The following PTPRO variants were observed in gnomAD, a reference collection of about 807,000 sequenced individuals.
PTPRO encodes protein tyrosine phosphatase receptor type O.
Under a neutral mutation model 145.2 loss-of-function variants are expected in PTPRO, and 62 were observed. The ratio of observed to expected loss-of-function variants is 0.43; its 90% confidence interval spans 0.35 to 0.53. The LOEUF (loss-of-function observed/expected upper bound fraction) is 0.53, where lower values mean the gene tolerates loss of function less well. Among genes scored for constraint, PTPRO ranks in the 20% least tolerant of loss-of-function variants. The pLI, the probability that PTPRO is intolerant of heterozygous loss-of-function variation, is 0.01. For synonymous variants in PTPRO, 565 were observed against 514.7 expected (o/e 1.10, Z -1.32); for missense variants, 1,345 against 1,482.7 (o/e 0.91, Z 1.53).
chr12:15,380,903 G>A (rs530124176), intron 1 of PTPRO, among the ~76,000 whole-genome samples: 12 of 152,126 alleles, frequency 7.9e-5, no homozygotes, highest in Non-Finnish European at 1.5e-4. Flanking sequence ...GGATTTTACC[G>A]CTGTGAATGG....
chr12:15,419,852 G>T (rs778967759), intron 1 of PTPRO, among the ~76,000 whole-genome samples: 12 of 151,508 alleles, frequency 7.9e-5, no homozygotes, highest in Non-Finnish European at 1.6e-4. Context: ...TTGCATATAA[G>T]AGTGTCCCCT....
chr12:15,572,995 G>A (rs75856330), intron 19 of PTPRO, among the ~76,000 whole-genome samples: 2,766 of 152,218 alleles, frequency 0.018, 99 homozygotes, highest in African/African-American at 0.064. Context: ...GAGAAATATG[G>A]GTTAAATATG....
intron 19 of PTPRO, among the ~76,000 whole-genome samples, chr12:15,571,474 G>C (rs1944048121): frequency 6.6e-6 from 1 of 152,104 alleles, no homozygotes; most frequent in Non-Finnish European, 1.5e-5. Context: ...TTTTAGTAGA[G>C]ACAGGGTTTC....
chr12:15,549,900 G>A lies in PTPRO; in HGVS notation c.2437+674G>A, dbSNP rs76173119. 4.7e-3 allele frequency among the ~76,000 whole-genome samples: 711 copies of A among 152,072 alleles called. 4 individuals carry two copies. Among genetic ancestry groups the A allele is most frequent in the Middle Eastern group, 0.01 (3 of 294 alleles). On this transcript the variant is annotated intron_variant, in intron 14 of 26. Coordinates refer to ENST00000281171, the MANE Select transcript of PTPRO (RefSeq NM_030667.3). The stretch of plus-strand genomic sequence containing the variant: ...TGCTAAATTCAGGGATGACTGGAGC[G>A]GACTGTTTTCTTTTTTCTTTTTCTT...
intron 12 of PTPRO, among the ~76,000 whole-genome samples, chr12:15,543,503 A>G (rs1236409801): frequency 6.6e-6 from 1 of 152,216 alleles, no homozygotes; most frequent in Non-Finnish European, 1.5e-5. Flanking sequence ...ACATTAAGAT[A>G]CAACCTCAGC....
rs1208189378 is a variant in PTPRO at position 15,497,541 on chromosome 12, T to C, written c.508+138T>C. On this transcript the variant is annotated intron_variant, in intron 3 of 26. Transcript: ENST00000281171. ...ATAAATGAGCCATTAAAAATAATTA[T>C]TGATTTATGAAAATCGTGTTATGAG... is the stretch of plus-strand genomic sequence containing the variant. 9 of 972,294 alleles carry C rather than the reference T, an allele frequency of 9.3e-6. No homozygotes were observed. In the East Asian group the frequency reaches 1.3e-4, roughly 14 times the overall value. The allele number at this position is 972,294 out of a possible 1,614,324, so 60.2% of individuals were successfully genotyped here. A position where few individuals can be genotyped will look rare whatever the true frequency, so the allele number is the denominator to read the frequency against.
rs1266213252 is a variant in PTPRO, at chr12:15,322,868, T to C, written c.75+67T>C. On this transcript the variant is annotated intron_variant, in intron 1 of 26. Transcript: ENST00000281171. The surrounding 1 kb of genome is among the most constrained non-coding windows in gnomAD (Gnocchi z 6.3). ...GGCAGCCGCGCTCCGGCGCCCTCGC[T>C]CTGCCGTTGGGAGCGGCGCGCCCCA... The C allele has an allele frequency of 6.5e-7, 1 of 1,532,658 alleles. No homozygotes were observed. Among genetic ancestry groups the C allele is most frequent in the African/African-American group, 1.4e-5 (1 of 72,120 alleles). 94.9% of individuals were successfully genotyped at this position (1,532,658 alleles called of 1,614,324 possible).
At chr12:15,542,370 G>C (rs1346751408) in intron 12 of PTPRO, among the ~76,000 whole-genome samples, 1 of 152,192 alleles carries the variant, frequency 6.6e-6, no homozygotes, top group Non-Finnish European at 1.5e-5. Context: ...TTTTAAGAAA[G>C]TTTATGAATT....
intron 1 of PTPRO, among the ~76,000 whole-genome samples, chr12:15,326,294 T>C (rs764930034): frequency 6.6e-5 from 10 of 151,954 alleles, no homozygotes; most frequent in Admixed American, 2.6e-4. Flanking sequence ...TCTGACTCCT[T>C]TAATAAATCA....
Position 15,415,472 on chromosome 12 carries a change from C to T in PTPRO, c.76-68502C>T, listed in dbSNP as rs1030891496. On this transcript the variant is annotated intron_variant, in intron 1 of 26. Coordinates refer to ENST00000281171, the MANE Select transcript of PTPRO (RefSeq NM_030667.3). ...CAGTCTTGGCTCACTGCAAGCTCCG[C>T]CTCCCAGGTTCACGCCATTCTCCTG... Among the ~76,000 whole-genome samples the T allele has an allele frequency of 4.6e-5, 7 of 151,878 alleles. No homozygotes were observed. The East Asian group carries it at 5.8e-4, about 13-fold the overall frequency.
At chr12:15,336,187 C>G (rs1328787553) in intron 1 of PTPRO, among the ~76,000 whole-genome samples, 1 of 151,578 alleles carries the variant, frequency 6.6e-6, no homozygotes, top group Non-Finnish European at 1.5e-5. Flanking sequence ...GGAGACATAT[C>G]TTTCCAAATC....
chr12:15,429,409 T>C (rs1198987758), intron 1 of PTPRO, among the ~76,000 whole-genome samples: 1 of 152,128 alleles, frequency 6.6e-6, no homozygotes, highest in African/African-American at 2.4e-5. Context: ...AGGATGATGA[T>C]GATCTAAGAA....
intron 1 of PTPRO, among the ~76,000 whole-genome samples, chr12:15,461,499 T>C (rs889298693): frequency 1.3e-5 from 2 of 152,058 alleles, no homozygotes; most frequent in Non-Finnish European, 2.9e-5. Context: ...GTGACTCTTT[T>C]TGTCAACATC....
chr12:15,326,281 T>G (rs959811809), intron 1 of PTPRO, among the ~76,000 whole-genome samples: 6 of 152,144 alleles, frequency 3.9e-5, no homozygotes, highest in Non-Finnish European at 8.8e-5. Context: ...AACTCCCATG[T>G]CATCTGACTC....
chr12:15,360,289 G>A (rs971449791), intron 1 of PTPRO, among the ~76,000 whole-genome samples: 1 of 152,098 alleles, frequency 6.6e-6, no homozygotes, highest in Admixed American at 6.5e-5. Context: ...AATTGTAGGT[G>A]TTCAGAAAAT....
intron 1 of PTPRO, among the ~76,000 whole-genome samples, chr12:15,402,175 G>T (rs1939513214): frequency 6.6e-6 from 1 of 152,068 alleles, no homozygotes; most frequent in Admixed American, 6.5e-5. Flanking sequence ...GGATCATGAG[G>T]CCAGGAGATC....
chr12:15,524,054 C>T (rs1172095445), intron 10 of PTPRO, among the ~76,000 whole-genome samples: 1 of 151,638 alleles, frequency 6.6e-6, no homozygotes, highest in Non-Finnish European at 1.5e-5. Flanking sequence ...CCTCAGCTTC[C>T]CGAAATGCAG....
intron 19 of PTPRO, among the ~76,000 whole-genome samples, chr12:15,574,397 A>C (rs1342382904): frequency 2.0e-5 from 3 of 152,226 alleles, no homozygotes; most frequent in Non-Finnish European, 4.4e-5. Context: ...CAGAAGACAT[A>C]TCACATATTG....
chr12:15,375,993 T>A (rs1440135186), intron 1 of PTPRO, among the ~76,000 whole-genome samples: 1 of 152,078 alleles, frequency 6.6e-6, no homozygotes, highest in Non-Finnish European at 1.5e-5. Flanking sequence ...ATGAATACAG[T>A]CTCAGGGACC....
Sources: allele counts gnomAD v4.1 joint callset (sites outside exome capture counted in the v4.1 genomes callset), GRCh38; gene constraint gnomAD v4.1.1; non-coding constraint Gnocchi (gnomAD v3.1); transcripts MANE v1.5; gene names NCBI Gene and HGNC (gene_info 2026-07-23, HGNC 2026-07-21).